The following TPD52L1 variants were observed in gnomAD, a reference collection of about 807,000 sequenced individuals.
The protein encoded by TPD52L1 is tumor protein D53.
In TPD52L1, 18 loss-of-function variants were observed where a neutral mutation model predicts 28.7. That is an observed-to-expected ratio of 0.63 (90% CI 0.43 to 0.93). The LOEUF is 0.93. Ranked by LOEUF, TPD52L1 falls within the 40% of genes least tolerant of loss-of-function variation. TPD52L1 has a pLI of 0.00. For synonymous variants in TPD52L1, 75 were observed against 88.8 expected (o/e 0.84, Z 0.88); for missense variants, 203 against 254.8 (o/e 0.80, Z 1.39).
At chr6:125,253,791 T>C (rs767648653) in intron 5 of TPD52L1, 36 bp downstream of exon 5, 2 of 1,546,336 alleles carry the variant, frequency 1.3e-6, no homozygotes, top group African/African-American at 2.7e-5. Flanking sequence ...AATATTAATA[T>C]GAAATGTGTT....
intron 1 of TPD52L1, among the ~76,000 whole-genome samples, chr6:125,187,136 G>A (rs921016135): frequency 7.9e-5 from 12 of 152,138 alleles, no homozygotes; most frequent in Non-Finnish European, 2.9e-5. Flanking sequence ...AAAATAGGCA[G>A]ATAATTTGAA....
chr6:125,231,731 A>G (rs951240136), intron 3 of TPD52L1, among the ~76,000 whole-genome samples: 3 of 152,144 alleles, frequency 2.0e-5, no homozygotes, highest in Non-Finnish European at 4.4e-5. Context: ...GATGAAGGAA[A>G]TAGGACCAAG....
intron 6 of TPD52L1, among the ~76,000 whole-genome samples, chr6:125,258,749 C>T (rs1361906789): frequency 1.3e-5 from 2 of 152,096 alleles, no homozygotes; most frequent in East Asian, 1.9e-4. Flanking sequence ...TATAGCCTGC[C>T]GTCTCCTTCA....
rs146490614 is a variant in TPD52L1, at chr6:125,253,504, C to T, written c.387-213C>T. On this transcript the variant is annotated intron_variant, in intron 4 of 6. Coordinates refer to ENST00000534000, the MANE Select transcript of TPD52L1 (RefSeq NM_003287.4). Reference sequence around the variant, plus strand: ...CAGAAAGTAAAATAATATGCAACCACGGATCCACCATCTACTTTTCATTTA... The same window carrying T: ...CAGAAAGTAAAATAATATGCAACCATGGATCCACCATCTACTTTTCATTTA... The T allele has an allele frequency of 2.3e-3, 1,272 of 554,262 alleles. 9 individuals carry two copies. Among genetic ancestry groups the T allele is most frequent in the East Asian group, 0.02 (687 of 34,082 alleles). The allele number at this position is 554,262 out of a possible 1,614,324, so 34.3% of individuals were successfully genotyped here.
chr6:125,179,842 G>GT (rs888644701), intron 1 of TPD52L1, among the ~76,000 whole-genome samples: 2 of 152,152 alleles, frequency 1.3e-5, no homozygotes, highest in Non-Finnish European at 2.9e-5. Flanking sequence ...CTTAAAGGGA[G>GT]TTTTTTTCTG....
intron 1 of TPD52L1, among the ~76,000 whole-genome samples, chr6:125,175,755 A>C (rs1205205243): frequency 1.3e-5 from 2 of 152,216 alleles, no homozygotes. Context: ...TAAATTCTGC[A>C]TTGCTCATTC....
At chr6:125,232,623 A>T (rs983524575) in intron 3 of TPD52L1, among the ~76,000 whole-genome samples, 4 of 152,164 alleles carry the variant, frequency 2.6e-5, no homozygotes, top group Non-Finnish European at 2.9e-5. Flanking sequence ...AGCAATCATG[A>T]CCTATTTAGT....
At chr6:125,192,568 CAG>C (rs34490603) in intron 1 of TPD52L1, among the ~76,000 whole-genome samples, 18,109 of 152,210 alleles carry the variant, frequency 0.12, 1,452 homozygotes, top group Non-Finnish European at 0.18. Flanking sequence ...AGCACCTTAA[CAG>C]AGAGCCCCAT....
At chr6:125,189,871 T>C (rs1260847994) in intron 1 of TPD52L1, among the ~76,000 whole-genome samples, 1 of 152,160 alleles carries the variant, frequency 6.6e-6, no homozygotes. Flanking sequence ...CAGAGAAGAA[T>C]ATAAAGTAAA....
At chr6:125,258,783 C>A (rs1484698599) in intron 6 of TPD52L1, among the ~76,000 whole-genome samples, 2 of 151,998 alleles carry the variant, frequency 1.3e-5, no homozygotes, top group Admixed American at 1.3e-4. Context: ...CTAACCCAGC[C>A]CACTAGATAC....
chr6:125,262,757 C>G, intron 6 of TPD52L1, 77 bp from the exon 7 acceptor site: 1 of 1,509,020 alleles, frequency 6.6e-7, no homozygotes. Context: ...AGTAATCCAG[C>G]TTTTGGTATT....
intron 1 of TPD52L1, among the ~76,000 whole-genome samples, chr6:125,200,317 C>T (rs1007010155): frequency 5.3e-5 from 8 of 152,098 alleles, no homozygotes; most frequent in Non-Finnish European, 8.8e-5. Flanking sequence ...AACAGATTTT[C>T]GTAGGTATTT....
At chr6:125,237,144 G>C (rs1049558278) in intron 3 of TPD52L1, among the ~76,000 whole-genome samples, 1 of 152,122 alleles carries the variant, frequency 6.6e-6, no homozygotes, top group Non-Finnish European at 1.5e-5. Context: ...CCATCAGAAG[G>C]CCCACCAGGT....
At chr6:125,205,650 C>T (rs1396966591) in intron 1 of TPD52L1, among the ~76,000 whole-genome samples, 2 of 152,180 alleles carry the variant, frequency 1.3e-5, no homozygotes, top group Non-Finnish European at 2.9e-5. Context: ...AGATTCTCCA[C>T]CCTTTAGGAC....
intron 1 of TPD52L1, among the ~76,000 whole-genome samples, chr6:125,212,477 G>T (rs772213269): frequency 2.6e-5 from 4 of 152,188 alleles, no homozygotes; most frequent in Non-Finnish European, 5.9e-5. Context: ...TCATGGCCAT[G>T]AAGCCACCAC....
intron 1 of TPD52L1, among the ~76,000 whole-genome samples, chr6:125,157,119 G>T (rs1790193758): frequency 1.3e-5 from 2 of 152,288 alleles, no homozygotes; most frequent in South Asian, 4.1e-4. Flanking sequence ...TTTTTAAAGT[G>T]TAAGTTTCCA....
intron 1 of TPD52L1, among the ~76,000 whole-genome samples, chr6:125,197,321 A>C (rs1229237148): frequency 6.6e-6 from 1 of 152,178 alleles, no homozygotes; most frequent in African/African-American, 2.4e-5. Flanking sequence ...TCTCTCTATA[A>C]TCTAATTTAA....
chr6:125,192,430 T>C (rs1793111884), intron 1 of TPD52L1, among the ~76,000 whole-genome samples: 1 of 151,984 alleles, frequency 6.6e-6, no homozygotes, highest in Non-Finnish European at 1.5e-5. Context: ...GCAGCTGTGA[T>C]GTGACTCATT....
intron 6 of TPD52L1, chr6:125,262,199 G>A (rs1798100275): frequency 6.6e-6 from 1 of 152,284 alleles, no homozygotes; most frequent in South Asian, 2.1e-4. Context: ...GGATTATGAG[G>A]ACTATGGGAA....
Sources: allele counts gnomAD v4.1 joint callset (sites outside exome capture counted in the v4.1 genomes callset), GRCh38; gene constraint gnomAD v4.1.1; transcripts MANE v1.5; gene names NCBI Gene and HGNC (gene_info 2026-07-23, HGNC 2026-07-21).